The following PTPRT variants were observed in gnomAD, a reference collection of about 807,000 sequenced individuals.
The protein encoded by PTPRT is protein tyrosine phosphatase receptor type T.
A neutral mutation model predicts 176.8 loss-of-function variants in PTPRT; 56 were observed. That is an observed-to-expected ratio of 0.32 (90% CI 0.26 to 0.40). The LOEUF is 0.40. PTPRT is among the 10% of genes least tolerant of loss of function. PTPRT has a pLI of 1.00. For missense variants in PTPRT, 1,540 were observed against 1,908.2 expected, an observed-to-expected ratio of 0.81 and a Z score of 3.60; for synonymous variants, 783 against 739.0, an observed-to-expected ratio of 1.06 and a Z score of -0.96.
At chr20:42,810,927 A>C (rs1469589044) in intron 2 of PTPRT, among the ~76,000 whole-genome samples, 3 of 152,262 alleles carry the variant, frequency 2.0e-5, no homozygotes, top group Non-Finnish European at 2.9e-5. Flanking sequence ...TATATAACTT[A>C]GAACAAGCCC....
intron 1 of PTPRT, among the ~76,000 whole-genome samples, chr20:43,162,428 T>C (rs1286778898): frequency 6.6e-6 from 1 of 152,196 alleles, no homozygotes; most frequent in Admixed American, 6.5e-5. Context: ...AGAAATCTTT[T>C]CTCAGTGGAA....
At chr20:42,645,651 C>A (rs2074875175) in intron 7 of PTPRT, among the ~76,000 whole-genome samples, 2 of 151,820 alleles carry the variant, frequency 1.3e-5, no homozygotes, top group African/African-American at 4.8e-5. Flanking sequence ...GCGGCTACAA[C>A]AAAGATAGAT....
intron 1 of PTPRT, among the ~76,000 whole-genome samples, chr20:43,040,753 G>C (rs987039226): frequency 2.6e-5 from 4 of 152,184 alleles, no homozygotes; most frequent in Non-Finnish European, 4.4e-5. Context: ...AGCTAGACCT[G>C]CCTGAGGCCA....
At chr20:42,456,431 T>G (rs1568896061) in intron 8 of PTPRT, among the ~76,000 whole-genome samples, 1 of 152,098 alleles carries the variant, frequency 6.6e-6, no homozygotes. Flanking sequence ...GATATGTCTA[T>G]CTCCAATTTC....
intron 9 of PTPRT, among the ~76,000 whole-genome samples, chr20:42,398,334 T>A (rs1419389537): frequency 6.6e-6 from 1 of 152,220 alleles, no homozygotes; most frequent in Non-Finnish European, 1.5e-5. Flanking sequence ...GTAGCCATAA[T>A]GTATTAACAA....
intron 25 of PTPRT, among the ~76,000 whole-genome samples, chr20:42,104,154 G>C (rs185649199): frequency 3.3e-5 from 5 of 152,274 alleles, no homozygotes; most frequent in South Asian, 2.1e-4. Flanking sequence ...CCTCATGAAC[G>C]GGATTAGTGC....
intron 7 of PTPRT, among the ~76,000 whole-genome samples, chr20:42,629,141 A>G (rs1044252423): frequency 6.6e-6 from 1 of 151,578 alleles, no homozygotes; most frequent in Non-Finnish European, 1.5e-5. Context: ...TAAGTAGCCA[A>G]TTACTGTGGA....
At chr20:42,491,821 T>C (rs1482690923) in intron 7 of PTPRT, among the ~76,000 whole-genome samples, 1 of 152,196 alleles carries the variant, frequency 6.6e-6, no homozygotes, top group South Asian at 2.1e-4. Context: ...GCTATCTTTT[T>C]ATAGACACAC....
At chr20:42,712,827 A>AAGT (rs1412302218) in intron 6 of PTPRT, among the ~76,000 whole-genome samples, 14 of 152,194 alleles carry the variant, frequency 9.2e-5, no homozygotes, top group Admixed American at 9.2e-4. Flanking sequence ...TGTTTGCTCA[A>AAGT]AGTAATTCAT....
At chr20:42,867,215 T>C (rs1468118794) in intron 2 of PTPRT, among the ~76,000 whole-genome samples, 1 of 152,148 alleles carries the variant, frequency 6.6e-6, no homozygotes, top group Admixed American at 6.5e-5. Flanking sequence ...ACATAAGTCT[T>C]ATGAGGCTCT....
the PTPRT span, among the ~76,000 whole-genome samples, chr20:42,038,692 GAT>G: frequency 6.6e-6 from 1 of 152,196 alleles, no homozygotes. Context: ...AGGGTGTGGT[GAT>G]GATATAGTGA....
At chr20:42,888,602 C>T (rs990686767) in intron 1 of PTPRT, among the ~76,000 whole-genome samples, 2 of 152,188 alleles carry the variant, frequency 1.3e-5, no homozygotes, top group African/African-American at 4.8e-5. Context: ...AGCCCATGCC[C>T]ATCCTAATAG....
intron 1 of PTPRT, among the ~76,000 whole-genome samples, chr20:43,105,282 G>C (rs929556583): frequency 4.6e-5 from 7 of 152,078 alleles, no homozygotes; most frequent in African/African-American, 1.2e-4. Context: ...TTGCACCATT[G>C]GTCTATATAT....
At chr20:42,574,761 T>C (rs528029711) in intron 7 of PTPRT, among the ~76,000 whole-genome samples, 4 of 152,264 alleles carry the variant, frequency 2.6e-5, no homozygotes, top group Non-Finnish European at 4.4e-5. Flanking sequence ...AATCCCCACA[T>C]GTCGAGGGAG....
intron 2 of PTPRT, among the ~76,000 whole-genome samples, chr20:42,875,367 C>T (rs945128107): frequency 6.6e-6 from 1 of 152,210 alleles, no homozygotes; most frequent in African/African-American, 2.4e-5. Context: ...CCTTTTCTAT[C>T]AATTCTGTGA....
intron 1 of PTPRT, among the ~76,000 whole-genome samples, chr20:42,896,370 C>T (rs2079297733): frequency 6.6e-6 from 1 of 152,096 alleles, no homozygotes; most frequent in Admixed American, 6.6e-5. Flanking sequence ...GGCGCGATGG[C>T]TCATGCCTGT....
chr20:42,931,574 G>A (rs1979850181), intron 1 of PTPRT, among the ~76,000 whole-genome samples: 1 of 152,206 alleles, frequency 6.6e-6, no homozygotes, highest in Admixed American at 6.5e-5. Flanking sequence ...AGATGGTTCT[G>A]CTCAGAATGA....
At chr20:42,124,540 A>C (rs1987756847) in intron 19 of PTPRT, among the ~76,000 whole-genome samples, 1 of 152,240 alleles carries the variant, frequency 6.6e-6, no homozygotes, top group Non-Finnish European at 1.5e-5. Flanking sequence ...GGCCCCATTC[A>C]GCTCATTGTC....
rs543265000 is a variant in PTPRT at position 42,532,768 on chromosome 20, G to A, written c.1154-60206C>T. The stretch of plus-strand genomic sequence containing the variant: ...ACCATTCCCCCAACATCTCTCCCAC[G>A]ACCCTGGGAGGTGCTTAGGCTTGAC... On this transcript the variant is annotated intron_variant, in intron 7 of 30. Coordinates refer to ENST00000373187, the MANE Select transcript of PTPRT (RefSeq NM_007050.6). Among the ~76,000 whole-genome samples the A allele has an allele frequency of 5.3e-5, 8 of 152,084 alleles. No homozygotes were observed. In the South Asian group the frequency reaches 1.0e-3, roughly 20 times the overall value.
Sources: allele counts gnomAD v4.1 joint callset (sites outside exome capture counted in the v4.1 genomes callset), GRCh38; gene constraint gnomAD v4.1.1; transcripts MANE v1.5; gene names NCBI Gene and HGNC (gene_info 2026-07-23, HGNC 2026-07-21).